The following SLC9B1 variants were observed in gnomAD, a reference collection of about 807,000 sequenced individuals.
SLC9B1 encodes the protein solute carrier family 9 member B1.
A neutral mutation model predicts 51.7 loss-of-function variants in SLC9B1; 32 were observed. That is an observed-to-expected ratio of 0.62 (90% CI 0.47 to 0.83). The LOEUF (loss-of-function observed/expected upper bound fraction) is 0.83, where lower values mean the gene tolerates loss of function less well. Among genes scored for constraint, SLC9B1 ranks in the 40% least tolerant of loss-of-function variants. The pLI, the probability that SLC9B1 is intolerant of heterozygous loss-of-function variation, is 0.00. For synonymous variants in SLC9B1, 145 were observed against 212.7 expected, an observed-to-expected ratio of 0.68 and a Z score of 2.77; for missense variants, 406 against 613.2, an observed-to-expected ratio of 0.66 and a Z score of 3.57.
chr4:102,979,346 G>A (rs180991429), intron 3 of SLC9B1, among the ~76,000 whole-genome samples: 1 of 152,278 alleles, frequency 6.6e-6, no homozygotes, highest in Admixed American at 6.5e-5. Flanking sequence ...TTGTTTGGAT[G>A]AGTAAACTCT....
At chr4:102,967,747 G>A (rs1350859435) in intron 3 of SLC9B1, among the ~76,000 whole-genome samples, 1 of 152,090 alleles carries the variant, frequency 6.6e-6, no homozygotes, top group African/African-American at 2.4e-5. Context: ...CACCTCTTAA[G>A]CATTCCAACA....
intron 3 of SLC9B1, among the ~76,000 whole-genome samples, chr4:102,979,359 T>A (rs1739233273): frequency 6.6e-6 from 1 of 152,200 alleles, no homozygotes; most frequent in African/African-American, 2.4e-5. Flanking sequence ...TAAACTCTCC[T>A]CTTTTCATTT....
In SLC9B1 at chr4:102,932,302, G is replaced by T. The variant is rs1337892433; in HGVS notation, c.654-3C>A. The T allele has an allele frequency of 6.2e-7, 1 of 1,607,270 alleles. No homozygotes were observed. Reference sequence around the variant, plus strand: ...GAGAGACAGCACCTAGAACAAAACTGAAAGAAAGAATGAAAATTAATTTAA... The same window carrying T: ...GAGAGACAGCACCTAGAACAAAACTTAAAGAAAGAATGAAAATTAATTTAA... On this transcript the variant is annotated splice_polypyrimidine_tract_variant and splice_region_variant and intron_variant, in intron 6 of 11. Coordinates refer to ENST00000296422, the MANE Select transcript of SLC9B1 (RefSeq NM_139173.4).
rs561727028 is a variant in SLC9B1, at chr4:102,936,710, C to T, written c.654-4411G>A. Among the ~76,000 whole-genome samples, 6 of 152,080 alleles carry T rather than the reference C, an allele frequency of 3.9e-5. No individual in the cohort carries two copies. In the East Asian group the frequency reaches 7.7e-4, roughly 20 times the overall value. On this transcript the variant is annotated intron_variant, in intron 6 of 11. Transcript: ENST00000296422. ...AACTCAGTCAGATGAAAATAAAGAA[C>T]AAGAAAGAATGAACAAAACCTCTGA...
At chr4:102,986,383 C>T (rs1739626619) in intron 3 of SLC9B1, among the ~76,000 whole-genome samples, 1 of 151,546 alleles carries the variant, frequency 6.6e-6, no homozygotes, top group African/African-American at 2.4e-5. Context: ...TTACCTCTGT[C>T]TTCTTTCAAG....
At chr4:102,892,211 AT>A (rs1176457430) in intron 11 of SLC9B1, 1 of 152,196 alleles carries the variant, frequency 6.6e-6, no homozygotes, top group Non-Finnish European at 1.5e-5. Context: ...GTCATGCTTC[AT>A]CATGCCCGGC....
chr4:102,911,385 A>G, intron 8 of SLC9B1, 46 bp downstream of exon 8: 1 of 1,380,714 alleles, frequency 7.2e-7, no homozygotes. Context: ...ATATTTTGAA[A>G]AAAATGTCTA....
At chr4:102,943,422 C>T (rs1737104730) in intron 6 of SLC9B1, among the ~76,000 whole-genome samples, 1 of 151,746 alleles carries the variant, frequency 6.6e-6, no homozygotes, top group African/African-American at 2.4e-5. Flanking sequence ...AAATACGGAA[C>T]TAGCTCAAAT....
At chr4:102,885,324 T>C (rs1201125189) in exon 12 of SLC9B1, 1 of 1,614,062 alleles carries the variant, frequency 6.2e-7, no homozygotes, top group East Asian at 2.2e-5. Context: ...GATAGCTTGA[T>C]TAATCTTAAA....
intron 7 of SLC9B1, among the ~76,000 whole-genome samples, chr4:102,927,195 G>A (rs1444800455): frequency 6.6e-6 from 1 of 152,144 alleles, no homozygotes; most frequent in Admixed American, 6.5e-5. Context: ...CATGGGCGAG[G>A]TCTTCATGAC....
intron 4 of SLC9B1, among the ~76,000 whole-genome samples, chr4:102,947,655 C>T (rs879814400): frequency 5.9e-5 from 9 of 152,208 alleles, no homozygotes; most frequent in Non-Finnish European, 8.8e-5. Flanking sequence ...GCCTGGCCCA[C>T]TGTACTGAAT....
chr4:102,925,488 A>G (rs1736113908), intron 7 of SLC9B1, among the ~76,000 whole-genome samples: 1 of 152,094 alleles, frequency 6.6e-6, no homozygotes, highest in Non-Finnish European at 1.5e-5. Flanking sequence ...CCAATATGGC[A>G]CATGTATGCA....
Position 102,991,668 on chromosome 4 carries a change from T to C in SLC9B1, c.44A>G (p.Asn15Ser). ...ESKNEHLEDE[N>S]FQTSTTPQSL... ...CTGAGGAGTTGTAGATGTTTGGAAG[T>C]TTTCATCCTCCAAATGTTCATTTTT... The change falls in exon 2 of 12, where the codon AAC becomes AGC. Residue 15 changes from asparagine (N) to serine (S), a missense_variant. Asn to Ser is a conservative substitution (Grantham distance 46). Transcript: ENST00000296422. 6.3e-7 allele frequency: 1 copy of C among 1,590,288 alleles called. No individual in the cohort carries two copies. The highest frequency in any genetic ancestry group is 8.6e-7 in the Non-Finnish European group (1 of 1,166,576).
chr4:102,959,555 A>G (rs1214199756), intron 3 of SLC9B1, among the ~76,000 whole-genome samples: 1 of 152,212 alleles, frequency 6.6e-6, no homozygotes, highest in Non-Finnish European at 1.5e-5. Flanking sequence ...ATGTGAAAAG[A>G]ACACTTTATC....
intron 1 of SLC9B1, among the ~76,000 whole-genome samples, chr4:103,004,336 C>T (rs887442839): frequency 2.0e-5 from 3 of 152,078 alleles, no homozygotes; most frequent in East Asian, 3.8e-4. Context: ...AGGAAATAAT[C>T]TCAGAGCTTG....
intron 1 of SLC9B1, among the ~76,000 whole-genome samples, chr4:103,016,265 C>T (rs977316410): frequency 1.3e-5 from 2 of 151,704 alleles, no homozygotes; most frequent in Non-Finnish European, 2.9e-5. Flanking sequence ...AAAATATACA[C>T]ACTCTCTCTT....
At position 102,964,650 on chromosome 4, in the gene SLC9B1, A is replaced by G. The variant is rs191595042; in HGVS notation, c.212-15223T>C. Reference sequence around the variant, plus strand: ...ATGTGAGGTGGTTGACTTAACATCCAAAAATCAATGTAATAAACTATATTA... The same window carrying G: ...ATGTGAGGTGGTTGACTTAACATCCGAAAATCAATGTAATAAACTATATTA... On this transcript the variant is annotated intron_variant, in intron 3 of 11. Coordinates refer to ENST00000296422, the MANE Select transcript of SLC9B1 (RefSeq NM_139173.4). Among the ~76,000 whole-genome samples the G allele has an allele frequency of 1.4e-3, 208 of 152,340 alleles. No individual in the cohort carries two copies. The Middle Eastern group carries it at 0.017, about 12-fold the overall frequency.
chr4:102,934,702 G>T (rs1269124233), intron 6 of SLC9B1, among the ~76,000 whole-genome samples: 1 of 148,800 alleles, frequency 6.7e-6, no homozygotes, highest in Middle Eastern at 3.3e-3. Context: ...GGAGGTGGAG[G>T]TTGCAGTGAG....
chr4:102,961,649 A>AT (rs1273885012), intron 3 of SLC9B1, among the ~76,000 whole-genome samples: 5 of 146,728 alleles, frequency 3.4e-5, no homozygotes, highest in Non-Finnish European at 7.6e-5. Flanking sequence ...TTGCTTACTT[A>AT]TTTTTTTCCC....
Sources: gnomAD v4.1 joint callset for allele counts (sites outside exome capture counted in the v4.1 genomes callset) on GRCh38, gnomAD v4.1.1 for gene constraint, MANE v1.5 for transcripts, NCBI Gene and HGNC (gene_info 2026-07-23, HGNC 2026-07-21) for gene names.